Variants in IL21R observed in about 807,000 individuals in gnomAD.
IL21R encodes the protein interleukin-21 receptor.
In IL21R, 14 loss-of-function variants were observed where a neutral mutation model predicts 41.3. That is an observed-to-expected ratio of 0.34 (90% confidence interval 0.22 to 0.53). IL21R has a LOEUF of 0.53. IL21R is among the 20% of genes least tolerant of loss of function. The pLI, the probability that IL21R is intolerant of heterozygous loss-of-function variation, is 0.94. For missense variants in IL21R, 588 were observed against 681.6 expected (o/e 0.86, Z 1.53); for synonymous variants, 286 against 287.6 (o/e 0.99, Z 0.05).
chr16:27,416,581 T>G (rs2086895927), intron 1 of IL21R, among the ~76,000 whole-genome samples: 1 of 139,334 alleles, frequency 7.2e-6, no homozygotes, highest in African/African-American at 2.8e-5. Context: ...CAAAATCTCT[T>G]ACTTATTTTT....
At chr16:27,420,169 C>T (rs558769933) in intron 1 of IL21R, among the ~76,000 whole-genome samples, 1 of 152,262 alleles carries the variant, frequency 6.6e-6, no homozygotes, top group South Asian at 2.1e-4. Flanking sequence ...GGATTACAGG[C>T]GTGAGCCACC....
chr16:27,443,224 GAACAGA>G, intron 5 of IL21R, 108 bp downstream of exon 5: 1 of 1,055,866 alleles, frequency 9.5e-7, no homozygotes, highest in Non-Finnish European at 1.3e-6. Context: ...TCATGGCCAA[GAACAGA>G]GACCAAGGGC....
intron 1 of IL21R, among the ~76,000 whole-genome samples, chr16:27,412,503 GA>G (rs1173900862): frequency 1.3e-5 from 2 of 151,220 alleles, no homozygotes; most frequent in African/African-American, 4.9e-5. Context: ...ATTTTAGGAT[GA>G]ATTCTTTTTT....
intron 1 of IL21R, among the ~76,000 whole-genome samples, chr16:27,418,285 G>A (rs868638798): frequency 4.0e-5 from 6 of 151,678 alleles, no homozygotes; most frequent in Non-Finnish European, 7.4e-5. Context: ...AACCAGGATG[G>A]TCTCGATCTC....
At chr16:27,442,789 A>C (rs904835271) in intron 4 of IL21R, 173 bp from the exon 5 acceptor site, 22 of 542,528 alleles carry the variant, frequency 4.1e-5, no homozygotes, top group East Asian at 3.1e-4. Flanking sequence ...TGAAGCCCAG[A>C]GTTGGGAGTA....
In IL21R at chr16:27,450,200, C is replaced by T. The variant is rs3093412; in HGVS notation, c.*917C>T. ...GGGGTTTCCAGGCTTAAAATCAGTC[C>T]GTTTCGTCTCTTGGAAACAGCTCCC... On this transcript the variant is annotated 3_prime_UTR_variant, in exon 9 of 9. Transcript: ENST00000337929. 14,159 of 232,894 alleles carry T rather than the reference C, an allele frequency of 0.061. 561 individuals are homozygous for T. The highest frequency in any genetic ancestry group is 0.085 in the Non-Finnish European group (9,971 of 117,808). The allele number at this position is 232,894 out of a possible 1,614,324, so 14.4% of individuals were successfully genotyped here.
chr16:27,408,074 C>G (rs1350496861), intron 1 of IL21R, among the ~76,000 whole-genome samples: 1 of 152,096 alleles, frequency 6.6e-6, no homozygotes, highest in East Asian at 1.9e-4. Flanking sequence ...TGGTTAGTTA[C>G]TGGGGATTCA....
At chr16:27,410,266 G>T (rs1263567040) in intron 1 of IL21R, among the ~76,000 whole-genome samples, 4 of 151,834 alleles carry the variant, frequency 2.6e-5, no homozygotes, top group African/African-American at 9.7e-5. Flanking sequence ...CCAGGAGGCG[G>T]AGGTTGCAGT....
At position 27,450,587 on chromosome 16, in the gene IL21R, T is replaced by TC. The variant is rs1323459209; in HGVS notation, c.*1304_*1305insC. On this transcript the variant is annotated 3_prime_UTR_variant, in exon 9 of 9. Transcript: ENST00000337929. ...CTTAGCAACATTTTCTTTTTCTTTTTTTTTTTTTTCTTTTGAGACAGAGTC... is the reference window on the plus strand; with the variant it reads ...CTTAGCAACATTTTCTTTTTCTTTTTCTTTTTTTTTCTTTTGAGACAGAGTC... 4.5e-6 allele frequency: 1 copy of TC among 219,970 alleles called. No individual in the cohort carries two copies. Among genetic ancestry groups the TC allele is most frequent in the African/African-American group, 2.2e-5 (1 of 44,482 alleles). 13.6% of individuals were successfully genotyped at this position (219,970 alleles called of 1,614,324 possible).
chr16:27,423,726 A>T (rs2087032666), intron 1 of IL21R, among the ~76,000 whole-genome samples: 1 of 152,202 alleles, frequency 6.6e-6, no homozygotes, highest in Admixed American at 6.5e-5. Context: ...ACTGAGTGAC[A>T]GTATTGCGAT....
At chr16:27,418,617 G>A (rs940380388) in intron 1 of IL21R, among the ~76,000 whole-genome samples, 35 of 152,176 alleles carry the variant, frequency 2.3e-4, no homozygotes, top group South Asian at 1.0e-3. Flanking sequence ...TGATCTGCCC[G>A]CCTTGGCCTC....
chr16:27,442,343 A>G (rs942255348), intron 4 of IL21R, among the ~76,000 whole-genome samples: 2 of 152,010 alleles, frequency 1.3e-5, no homozygotes, highest in African/African-American at 4.8e-5. Flanking sequence ...GGGGCCATTC[A>G]CTTTTAACTC....
In IL21R at chr16:27,444,522, T is replaced by A; in HGVS notation, c.508-20T>A. The A allele has an allele frequency of 1.4e-6, 2 of 1,453,902 alleles. No homozygotes were observed. Among genetic ancestry groups the A allele is most frequent in the South Asian group, 1.5e-5 (1 of 66,034 alleles). The allele number at this position is 1,453,902 out of a possible 1,614,324, so 90.1% of individuals were successfully genotyped here. On this transcript the variant is annotated intron_variant, in intron 5 of 8. Coordinates refer to ENST00000337929, the MANE Select transcript of IL21R (RefSeq NM_181078.3). Reference sequence around the variant, plus strand: ...CCTGGTTTAACCCTGACCTGGTGCATCCTTTCCTTGTACTGGCAGAGTCCG... The same window carrying A: ...CCTGGTTTAACCCTGACCTGGTGCAACCTTTCCTTGTACTGGCAGAGTCCG...
In IL21R at chr16:27,417,125, G is replaced by A. The variant is rs892648044; in HGVS notation, c.-16-12931G>A. On this transcript the variant is annotated intron_variant, in intron 1 of 8. Coordinates refer to ENST00000337929, the MANE Select transcript of IL21R (RefSeq NM_181078.3). ...TACATTTCTTTCTGGACATATATCC[G>A]CAATTGTTTTCTTTCCTTTTTCTTT... Among the ~76,000 whole-genome samples, 24 of 150,328 alleles carry A rather than the reference G, an allele frequency of 1.6e-4. 3 individuals carry two copies. Among genetic ancestry groups the A allele is most frequent in the Admixed American group, 1.1e-3 (16 of 15,046 alleles).
At chr16:27,422,127 C>A (rs1306736604) in intron 1 of IL21R, among the ~76,000 whole-genome samples, 3 of 152,176 alleles carry the variant, frequency 2.0e-5, no homozygotes, top group African/African-American at 7.2e-5. Context: ...CTGCTGTCTT[C>A]CATCATTTTG....
intron 4 of IL21R, among the ~76,000 whole-genome samples, chr16:27,441,811 C>T (rs2087392912): frequency 6.6e-6 from 1 of 152,122 alleles, no homozygotes; most frequent in African/African-American, 2.4e-5. Context: ...GAGTTTGAGA[C>T]CAGCCTGGGC....
rs1028810531 is a variant in IL21R, at chr16:27,451,764, G to C, written c.*2481G>C. The C allele has an allele frequency of 1.5e-4, 35 of 230,454 alleles. No individual in the cohort carries two copies. Among genetic ancestry groups the C allele is most frequent in the Admixed American group, 4.5e-4 (8 of 17,674 alleles). The allele number at this position is 230,454 out of a possible 1,614,324, so 14.3% of individuals were successfully genotyped here. On this transcript the variant is annotated 3_prime_UTR_variant, in exon 9 of 9. Coordinates refer to ENST00000337929, the MANE Select transcript of IL21R (RefSeq NM_181078.3). ...CAAGAGCTGGCTCACCTGAAAGGAG[G>C]GATTAGTAGGTAGGAGGGTGGATGG...
intron 1 of IL21R, among the ~76,000 whole-genome samples, chr16:27,421,335 C>G (rs918324926): frequency 1.2e-5 from 1 of 84,196 alleles, no homozygotes; most frequent in East Asian, 4.1e-4. Context: ...TCAATTTCTG[C>G]AAAAAAAAAA....
intron 1 of IL21R, among the ~76,000 whole-genome samples, chr16:27,418,155 C>T (rs1033837769): frequency 1.3e-4 from 20 of 151,346 alleles, no homozygotes; most frequent in African/African-American, 3.6e-4. Context: ...CTGCAAGCTC[C>T]GCCTCCCGGG....
Sources: gnomAD v4.1 joint callset for allele counts (sites outside exome capture counted in the v4.1 genomes callset) on GRCh38, gnomAD v4.1.1 for gene constraint, MANE v1.5 for transcripts, NCBI Gene and HGNC (gene_info 2026-07-23, HGNC 2026-07-21) for gene names.